The following ACTN2 variants were observed in gnomAD, a reference collection of about 807,000 sequenced individuals.
ACTN2 encodes the protein actinin alpha 2.
Under a neutral mutation model 113.8 loss-of-function variants are expected in ACTN2, and 39 were observed. The observed-to-expected ratio is 0.34, with a 90% CI of 0.27 to 0.45. The LOEUF (loss-of-function observed/expected upper bound fraction) is 0.45. Among genes scored for constraint, ACTN2 ranks in the 20% least tolerant of loss-of-function variants. The pLI is 1.00. For missense variants in ACTN2, 992 were observed against 1,177.9 expected, an observed-to-expected ratio of 0.84 and a Z score of 2.31; for synonymous variants, 429 against 444.1, an observed-to-expected ratio of 0.97 and a Z score of 0.43.
intron 12 of ACTN2, among the ~76,000 whole-genome samples, chr1:236,746,443 T>C (rs965274463): frequency 6.6e-6 from 1 of 151,998 alleles, no homozygotes; most frequent in Non-Finnish European, 1.5e-5. Flanking sequence ...TGCAGTGGCT[T>C]ATACCTGTAA....
At chr1:236,705,538 A>T (rs1000739346) in intron 1 of ACTN2, among the ~76,000 whole-genome samples, 1 of 152,112 alleles carries the variant, frequency 6.6e-6, no homozygotes, top group Non-Finnish European at 1.5e-5. Flanking sequence ...GTGTCCCTCT[A>T]CTTTGATTTA....
At chr1:236,734,389 G>T (rs774342577) in intron 7 of ACTN2, 3 of 1,380,638 alleles carry the variant, frequency 2.2e-6, no homozygotes, top group Non-Finnish European at 3.0e-6. Context: ...GAAGCCTGCT[G>T]GTATTAGAAC....
intron 1 of ACTN2, among the ~76,000 whole-genome samples, chr1:236,705,204 A>G (rs1323424901): frequency 6.6e-6 from 1 of 151,836 alleles, no homozygotes. Flanking sequence ...CTGTGTGTGT[A>G]TAAATATATA....
chr1:236,728,532 G>A (rs1175290182), intron 6 of ACTN2, among the ~76,000 whole-genome samples: 2 of 152,140 alleles, frequency 1.3e-5, no homozygotes, highest in Non-Finnish European at 2.9e-5. Context: ...TAACTCGTCC[G>A]TCACACAAGG....
Position 236,719,020 on chromosome 1 carries a change from G to A in ACTN2, c.361+7G>A, listed in dbSNP as rs1425924414. On this transcript the variant is annotated splice_region_variant and intron_variant, in intron 3 of 20. Transcript: ENST00000366578. ...GTGTCCATTGGCGCTGAAGGTGAGA[G>A]GTGTGGTGGGTGGTCCTGTCTGCCA... is the stretch of plus-strand genomic sequence containing the variant. The A allele has an allele frequency of 1.2e-6, 2 of 1,613,676 alleles. No homozygotes were observed. The highest frequency in any genetic ancestry group is 1.7e-6 in the Non-Finnish European group (2 of 1,179,932).
At chr1:236,711,072 C>A (rs1305434173) in intron 1 of ACTN2, among the ~76,000 whole-genome samples, 1 of 152,228 alleles carries the variant, frequency 6.6e-6, no homozygotes, top group African/African-American at 2.4e-5. Flanking sequence ...GGCACGGGAA[C>A]GTGGTGCCCA....
At chr1:236,744,890 A>G (rs1659181769) in intron 12 of ACTN2, 114 bp downstream of exon 12, 6 of 1,372,156 alleles carry the variant, frequency 4.4e-6, no homozygotes, top group Non-Finnish European at 6.1e-6. Context: ...CGCTGGAGGC[A>G]CTCTGTGCAG....
At chr1:236,760,321 A>C (rs1659668753) in intron 19 of ACTN2, among the ~76,000 whole-genome samples, 1 of 152,092 alleles carries the variant, frequency 6.6e-6, no homozygotes, top group Non-Finnish European at 1.5e-5. Flanking sequence ...CTAGTGAAGG[A>C]GATGAGAACA....
chr1:236,713,423 C>A (rs1658108080), intron 1 of ACTN2, among the ~76,000 whole-genome samples: 2 of 152,122 alleles, frequency 1.3e-5, no homozygotes, highest in African/African-American at 4.8e-5. Flanking sequence ...GACAGGGTTT[C>A]TCCGTGTTGG....
intron 17 of ACTN2, 120 bp from the exon 18 acceptor site, chr1:236,757,366 G>A (rs1339546948): frequency 7.8e-7 from 1 of 1,282,656 alleles, no homozygotes; most frequent in Non-Finnish European, 1.1e-6. Flanking sequence ...GTGTGGGGAA[G>A]GCTATCATGA....
intron 10 of ACTN2, among the ~76,000 whole-genome samples, chr1:236,740,366 G>C (rs1572133536): frequency 6.6e-6 from 1 of 151,328 alleles, no homozygotes; most frequent in African/African-American, 2.4e-5. Flanking sequence ...CGCCCGCCTC[G>C]GCCTCCCAAA....
In ACTN2 at chr1:236,743,867, C is replaced by T. The variant is rs565637394; in HGVS notation, c.1256-759C>T. 1.1e-3 allele frequency among the ~76,000 whole-genome samples: 167 copies of T among 152,240 alleles called. 3 individuals are homozygous for T. The South Asian group carries it at 0.033, about 30-fold the overall frequency. Reference sequence around the variant, plus strand: ...GTGTCCTCTTCGAAATGGGAATCACCGTAAGACCTCCCTCATAGGGTTTCT... The same window carrying T: ...GTGTCCTCTTCGAAATGGGAATCACTGTAAGACCTCCCTCATAGGGTTTCT... On this transcript the variant is annotated intron_variant, in intron 11 of 20. Transcript: ENST00000366578.
intron 12 of ACTN2, among the ~76,000 whole-genome samples, chr1:236,745,328 G>A (rs1659198161): frequency 6.6e-6 from 1 of 152,192 alleles, no homozygotes; most frequent in South Asian, 2.1e-4. Flanking sequence ...CAGCTGCTCG[G>A]GAGGCTGAGG....
intron 1 of ACTN2, among the ~76,000 whole-genome samples, chr1:236,709,250 A>ATATG (rs1558227425): frequency 2.4e-4 from 23 of 97,546 alleles, no homozygotes; most frequent in African/African-American, 8.0e-4. Flanking sequence ...ATATATATAT[A>ATATG]TATATACACA....
At chr1:236,741,186 A>G (rs924258250) in intron 10 of ACTN2, among the ~76,000 whole-genome samples, 1 of 152,076 alleles carries the variant, frequency 6.6e-6, no homozygotes, top group African/African-American at 2.4e-5. Context: ...CTGGGACTAC[A>G]CGCACATCCC....
chr1:236,721,020 TTG>T (rs1364265125), intron 4 of ACTN2, among the ~76,000 whole-genome samples: 6,481 of 63,974 alleles, frequency 0.1, 1,971 homozygotes, highest in Non-Finnish European at 0.16. Flanking sequence ...TTTTTGTTTT[TTG>T]TTTTTTTTTT....
chr1:236,716,331 G>A (rs1191146767), intron 1 of ACTN2, among the ~76,000 whole-genome samples: 1 of 152,058 alleles, frequency 6.6e-6, no homozygotes, highest in East Asian at 1.9e-4. Flanking sequence ...GATGTGCCAG[G>A]CACTTTGTTC....
chr1:236,753,568 C>T (rs1226066053), intron 15 of ACTN2, among the ~76,000 whole-genome samples: 1 of 152,206 alleles, frequency 6.6e-6, no homozygotes, highest in African/African-American at 2.4e-5. Flanking sequence ...CGCCAGTGTT[C>T]CCTGCATCCA....
At chr1:236,727,621 T>C (rs911065004) in intron 5 of ACTN2, 57 bp from the exon 6 acceptor site, 1 of 1,579,634 alleles carries the variant, frequency 6.3e-7, no homozygotes, top group South Asian at 1.1e-5. Context: ...GTGCAGATGC[T>C]GGCTGCTTCT....
Sources: gnomAD v4.1 joint callset for allele counts (sites outside exome capture counted in the v4.1 genomes callset) on GRCh38, gnomAD v4.1.1 for gene constraint, MANE v1.5 for transcripts, NCBI Gene and HGNC (gene_info 2026-07-23, HGNC 2026-07-21) for gene names.